The following FECH variants were observed in gnomAD, a reference collection of about 807,000 sequenced individuals.
FECH encodes the protein ferrochelatase, mitochondrial.
Under a neutral mutation model 56.9 loss-of-function variants are expected in FECH, and 40 were observed. The ratio of observed to expected loss-of-function variants is 0.70; its 90% CI spans 0.55 to 0.92. The LOEUF (loss-of-function observed/expected upper bound fraction) is 0.92, where lower values mean the gene tolerates loss of function less well. Among genes scored for constraint, FECH ranks in the 40% least tolerant of loss-of-function variants. The probability of loss-of-function intolerance (pLI) is 0.00; values close to 1 mark genes in which losing one functional copy is unlikely to be tolerated. For missense variants in FECH, 431 were observed against 529.1 expected (o/e 0.81, Z 1.82); for synonymous variants, 175 against 198.6 (o/e 0.88, Z 1.00).
In FECH at chr18:57,562,982, T is replaced by C. The variant is rs980047540; in HGVS notation, c.599-2A>G. Reference sequence around the variant, plus strand: ...TGTAAATGGCATTTAAGCTGCTGCCTGAAATATACAGAGACCACTTAGTAG... The same window carrying C: ...TGTAAATGGCATTTAAGCTGCTGCCCGAAATATACAGAGACCACTTAGTAG... On this transcript the variant is annotated splice_acceptor_variant, in intron 5 of 10. Transcript: ENST00000262093. LOFTEE classifies it high-confidence loss of function. 4.3e-6 allele frequency: 7 copies of C among 1,612,200 alleles called. No individual in the cohort carries two copies. Among genetic ancestry groups the C allele is most frequent in the Non-Finnish European group, 5.9e-6 (7 of 1,178,474 alleles).
At chr18:57,570,028 TTGTCGTGTGTGTGTGTGTGTGTGTGTG>T (rs1176333046) in intron 4 of FECH, among the ~76,000 whole-genome samples, 2 of 101,868 alleles carry the variant, frequency 2.0e-5, no homozygotes, top group Middle Eastern at 4.5e-3. Context: ...GTTGTTGTTG[TTGTCGTGTGTGTGTGTGTGTGTGTGTG>T]TGTGTGTGTG....
At position 57,547,577 on chromosome 18, in the gene FECH, C is replaced by A. The variant is rs755918718; in HGVS notation, c.*3135G>T. ...ATTTCCTAAGGCTTCCTCAGAAAGC[C>A]GAACCGAGTCAATTAAACCTCTTTC... On this transcript the variant is annotated 3_prime_UTR_variant, in exon 11 of 11. Transcript: ENST00000262093. Among the ~76,000 whole-genome samples, 10 of 152,100 alleles carry A rather than the reference C, an allele frequency of 6.6e-5. No individual in the cohort carries two copies. The highest frequency in any genetic ancestry group is 6.5e-5 in the Admixed American group (1 of 15,268).
rs577598067 is a variant in FECH at position 57,546,122 on chromosome 18, T to C, written c.*4590A>G. Among the ~76,000 whole-genome samples, 9 of 152,278 alleles carry C rather than the reference T, an allele frequency of 5.9e-5. No individual in the cohort carries two copies. The South Asian group carries it at 1.9e-3, about 32-fold the overall frequency. On this transcript the variant is annotated 3_prime_UTR_variant, in exon 11 of 11. Transcript: ENST00000262093. ...CCAGCTTGTGACATCTCAATGAATT[T>C]CCCATTTCCACCTAACGTTAGGAGC...
intron 2 of FECH, among the ~76,000 whole-genome samples, chr18:57,575,781 C>G (rs775995039): frequency 7.1e-6 from 1 of 141,454 alleles, no homozygotes; most frequent in African/African-American, 2.8e-5. Flanking sequence ...TTGGCAATAA[C>G]GTAAGGCAGC....
chr18:57,560,168 G>GTAAGAGAATATTCCTGATTT (rs1164820305), intron 6 of FECH, among the ~76,000 whole-genome samples: 1 of 152,212 alleles, frequency 6.6e-6, no homozygotes, highest in Non-Finnish European at 1.5e-5. Context: ...TTGTGGTTAT[G>GTAAGAGAATATTCCTGATTT]TAAGAGAATA....
intron 3 of FECH, chr18:57,571,747 C>T: frequency 7.9e-6 from 5 of 632,678 alleles, no homozygotes; most frequent in South Asian, 7.9e-5. Flanking sequence ...CTGAGGAATA[C>T]CCAGCTGTGC....
At chr18:57,559,015 C>G (rs563545154) in intron 7 of FECH, 130 bp downstream of exon 7, 7 of 715,414 alleles carry the variant, frequency 9.8e-6, no homozygotes, top group Middle Eastern at 2.3e-4. Flanking sequence ...AGCACCAAGT[C>G]TGAGATTTGA....
rs1332257794 is a variant in FECH at position 57,573,318 on chromosome 18, G to A, written c.242C>T (p.Thr81Ile). 3.1e-6 allele frequency: 5 copies of A among 1,613,924 alleles called. No homozygotes were observed. In the African/African-American group the frequency reaches 6.7e-5, roughly 22 times the overall value. Residue 81 changes from threonine to isoleucine, a missense_variant, in exon 3 of 11, where the codon ACT becomes ATT. Transcript: ENST00000262093. ...ILMLNMGGPETLGDVHDFLLR... is the reference protein window; with the variant it reads ...ILMLNMGGPEILGDVHDFLLR... Reference sequence around the variant, plus strand: ...AAGGAAGTCGTGAACATCTCCAAGAGTTTCAGGGCCTCCCATGTTTAGCAT... The same window carrying A: ...AAGGAAGTCGTGAACATCTCCAAGAATTTCAGGGCCTCCCATGTTTAGCAT...
At chr18:57,552,888 C>T (rs762897463) in intron 9 of FECH, among the ~76,000 whole-genome samples, 2 of 152,114 alleles carry the variant, frequency 1.3e-5, no homozygotes, top group South Asian at 2.1e-4. Context: ...GGAGAGTCAG[C>T]GATACACTGA....
At chr18:57,566,706 T>C in intron 4 of FECH, 125 bp from the exon 5 acceptor site, 1 of 1,164,030 alleles carries the variant, frequency 8.6e-7, no homozygotes. Context: ...GCACTGACGG[T>C]GAAGGCAAGT....
At chr18:57,551,762 A>G (rs992860867) in intron 9 of FECH, among the ~76,000 whole-genome samples, 1 of 152,246 alleles carries the variant, frequency 6.6e-6, no homozygotes, top group African/African-American at 2.4e-5. Flanking sequence ...TACTGTAAAT[A>G]TAGTTTCATA....
At chr18:57,582,518 T>C (rs1389787055) in intron 1 of FECH, among the ~76,000 whole-genome samples, 1 of 151,214 alleles carries the variant, frequency 6.6e-6, no homozygotes, top group Non-Finnish European at 1.5e-5. Context: ...ATCCCAGCAC[T>C]TTGGGAGGCA....
chr18:57,583,914 G>T, intron 1 of FECH, among the ~76,000 whole-genome samples: 1 of 152,216 alleles, frequency 6.6e-6, no homozygotes, highest in East Asian at 1.9e-4. Context: ...GGGCACAGTG[G>T]CTCATGCCTG....
chr18:57,574,810 A>T (rs2051161146), intron 2 of FECH, among the ~76,000 whole-genome samples: 1 of 152,248 alleles, frequency 6.6e-6, no homozygotes, highest in African/African-American at 2.4e-5. Context: ...TCATTCATTC[A>T]TCTTTTTTTC....
intron 9 of FECH, among the ~76,000 whole-genome samples, chr18:57,551,940 G>A (rs1393143502): frequency 6.7e-6 from 1 of 150,180 alleles, no homozygotes. Flanking sequence ...CTGGAGTGCA[G>A]TGGCGCAATC....
intron 3 of FECH, among the ~76,000 whole-genome samples, chr18:57,571,885 A>G (rs2051116008): frequency 6.6e-6 from 1 of 152,372 alleles, no homozygotes; most frequent in South Asian, 2.1e-4. Context: ...ACTAGGATAT[A>G]AGACAAATGA....
At chr18:57,554,500 G>T in intron 8 of FECH, 76 bp from the exon 9 acceptor site, 2 of 1,522,748 alleles carry the variant, frequency 1.3e-6, no homozygotes, top group Non-Finnish European at 1.8e-6. Flanking sequence ...TGCCCCCCTG[G>T]GCACACGCAC....
chr18:57,567,493 AACTT>A, intron 4 of FECH, among the ~76,000 whole-genome samples: 1 of 152,328 alleles, frequency 6.6e-6, no homozygotes, highest in Middle Eastern at 3.4e-3. Flanking sequence ...AAGTTTCCTA[AACTT>A]ACTTAGTCTT....
At chr18:57,582,102 T>G (rs906007403) in intron 1 of FECH, among the ~76,000 whole-genome samples, 1 of 152,200 alleles carries the variant, frequency 6.6e-6, no homozygotes, top group Non-Finnish European at 1.5e-5. Context: ...TTAACCAGGT[T>G]CCTAATCATG....
Sources: allele counts gnomAD v4.1 joint callset (sites outside exome capture counted in the v4.1 genomes callset), GRCh38; gene constraint gnomAD v4.1.1; transcripts MANE v1.5; gene names NCBI Gene and HGNC (gene_info 2026-07-23, HGNC 2026-07-21).